The following CNIH3 variants were observed in gnomAD, a reference collection of about 807,000 sequenced individuals.
CNIH3 encodes the protein cornichon family AMPA receptor auxiliary protein 3.
A neutral mutation model predicts 24.1 loss-of-function variants in CNIH3; 14 were observed. That is an observed-to-expected ratio of 0.58 (90% CI 0.38 to 0.91). The LOEUF (loss-of-function observed/expected upper bound fraction) is 0.91. Among genes scored for constraint, CNIH3 ranks in the 40% least tolerant of loss-of-function variants. The pLI, the probability that CNIH3 is intolerant of heterozygous loss-of-function variation, is 0.00. For missense variants in CNIH3, 178 were observed against 196.8 expected (o/e 0.90, Z 0.57); for synonymous variants, 68 against 73.8 (o/e 0.92, Z 0.40).
intron 3 of CNIH3, among the ~76,000 whole-genome samples, chr1:224,723,012 TC>T (rs1688813765): frequency 6.6e-6 from 1 of 152,114 alleles, no homozygotes; most frequent in South Asian, 2.1e-4. Flanking sequence ...TTGGGCTGCA[TC>T]CCCTGCACAG....
At chr1:224,594,880 A>G (rs1291245934) in intron 3 of CNIH3, among the ~76,000 whole-genome samples, 1 of 152,212 alleles carries the variant, frequency 6.6e-6, no homozygotes, top group Non-Finnish European at 1.5e-5. Flanking sequence ...ATCAAAATAT[A>G]CTGAAAATAA....
chr1:224,645,379 G>A (rs1435136976), intron 1 of CNIH3, among the ~76,000 whole-genome samples: 1 of 152,252 alleles, frequency 6.6e-6, no homozygotes, highest in South Asian at 2.1e-4. Flanking sequence ...AGAGAAGCGC[G>A]AGAGAGACCT....
At chr1:224,729,570 A>G (rs1406014260) in intron 3 of CNIH3, among the ~76,000 whole-genome samples, 1 of 151,704 alleles carries the variant, frequency 6.6e-6, no homozygotes, top group Non-Finnish European at 1.5e-5. Context: ...AGTAATATGT[A>G]TCTATATCTC....
intron 1 of CNIH3, among the ~76,000 whole-genome samples, chr1:224,626,644 G>A (rs1419430886): frequency 2.0e-5 from 3 of 152,104 alleles, no homozygotes; most frequent in Non-Finnish European, 2.9e-5. Flanking sequence ...CTAATCTTGA[G>A]GTCTCATGGG....
intron 1 of CNIH3, among the ~76,000 whole-genome samples, chr1:224,493,378 G>A (rs1183456663): frequency 2.6e-5 from 4 of 152,170 alleles, no homozygotes; most frequent in East Asian, 3.9e-4. Flanking sequence ...GGCGCTGAAC[G>A]TTTGTGTGTG....
chr1:224,539,584 G>A (rs1183874972), downstream of CNIH3, among the ~76,000 whole-genome samples: 10 of 152,184 alleles, frequency 6.6e-5, no homozygotes, highest in Non-Finnish European at 1.5e-4. Flanking sequence ...ACTTTACAAC[G>A]CTCTAGGATT....
At chr1:224,629,034 T>A (rs953615556) in intron 1 of CNIH3, among the ~76,000 whole-genome samples, 5 of 151,414 alleles carry the variant, frequency 3.3e-5, no homozygotes. Context: ...CGAGACAGAA[T>A]CTTGCTCTGT....
intron 3 of CNIH3, chr1:224,565,438 G>A (rs964776786): frequency 1.3e-5 from 2 of 152,242 alleles, no homozygotes; most frequent in African/African-American, 4.8e-5. Context: ...TGTCCAGCGG[G>A]CCTGAAGCCA....
At chr1:224,575,114 C>T (rs1680980558) in intron 4 of CNIH3, 1 of 902,486 alleles carries the variant, frequency 1.1e-6, no homozygotes, top group East Asian at 2.4e-5. Context: ...AGCCTGAGGA[C>T]CCTTCCCTCC....
intron 1 of CNIH3, among the ~76,000 whole-genome samples, chr1:224,662,172 C>T (rs1685393131): frequency 6.6e-6 from 1 of 152,128 alleles, no homozygotes; most frequent in Non-Finnish European, 1.5e-5. Context: ...ACTCAGACAT[C>T]TAGTGAGCAA....
intron 3 of CNIH3, among the ~76,000 whole-genome samples, chr1:224,726,996 T>C (rs1689061774): frequency 6.6e-6 from 1 of 152,174 alleles, no homozygotes; most frequent in Non-Finnish European, 1.5e-5. Flanking sequence ...GGGTGGTCCT[T>C]ATATAACAGA....
chr1:224,707,050 A>G (rs1289213641), intron 3 of CNIH3, among the ~76,000 whole-genome samples: 1 of 133,326 alleles, frequency 7.5e-6, no homozygotes, highest in Non-Finnish European at 1.5e-5. Context: ...TGCAACCTCT[A>G]CCTCGTGAGT....
chr1:224,520,258 C>G (rs1678572186), intron 1 of CNIH3, among the ~76,000 whole-genome samples: 1 of 152,178 alleles, frequency 6.6e-6, no homozygotes, highest in African/African-American at 2.4e-5. Flanking sequence ...TCTCTCAAGC[C>G]TTACACAGAA....
intron 1 of CNIH3, among the ~76,000 whole-genome samples, chr1:224,677,850 T>TG (rs1686212139): frequency 1.3e-5 from 2 of 152,198 alleles, no homozygotes; most frequent in African/African-American, 4.8e-5. Context: ...AGTCTCTTTG[T>TG]GGGGGGCCTA....
At chr1:224,473,907 G>C (rs1676465897) in intron 1 of CNIH3, among the ~76,000 whole-genome samples, 1 of 152,094 alleles carries the variant, frequency 6.6e-6, no homozygotes, top group Non-Finnish European at 1.5e-5. Context: ...TACAAAACAA[G>C]TCTTAAAACA....
intron 1 of CNIH3, among the ~76,000 whole-genome samples, chr1:224,487,962 C>G (rs1031912426): frequency 3.3e-5 from 5 of 151,982 alleles, no homozygotes; most frequent in African/African-American, 9.7e-5. Flanking sequence ...TTTTGAAAAC[C>G]CTATTCTTTC....
intron 1 of CNIH3, among the ~76,000 whole-genome samples, chr1:224,520,731 A>G (rs193293037): frequency 6.6e-6 from 1 of 152,334 alleles, no homozygotes; most frequent in East Asian, 1.9e-4. Flanking sequence ...TTTCATCTTA[A>G]GGAAGGATGG....
intron 3 of CNIH3, among the ~76,000 whole-genome samples, chr1:224,693,492 G>T (rs1260250291): frequency 6.6e-6 from 1 of 152,214 alleles, no homozygotes; most frequent in African/African-American, 2.4e-5. Context: ...ATGTTCTTCT[G>T]GTCTTGGCTG....
chr1:224,605,693 G>C (rs974815798), intron 3 of CNIH3, among the ~76,000 whole-genome samples: 2 of 151,894 alleles, frequency 1.3e-5, no homozygotes, highest in African/African-American at 4.8e-5. Flanking sequence ...ACCCAGACCC[G>C]TGACTCAACC....
Sources: allele counts gnomAD v4.1 joint callset (sites outside exome capture counted in the v4.1 genomes callset), GRCh38; gene constraint gnomAD v4.1.1; transcripts MANE v1.5; gene names NCBI Gene and HGNC (gene_info 2026-07-23, HGNC 2026-07-21).